Variants in ENG observed in about 807,000 individuals in gnomAD.
The protein encoded by ENG is CD105 antigen.
Under a neutral mutation model 71.0 loss-of-function variants are expected in ENG, and 17 were observed. That is an observed-to-expected ratio of 0.24 (90% CI 0.16 to 0.36). The LOEUF (loss-of-function observed/expected upper bound fraction) is 0.36. Among genes scored for constraint, ENG ranks in the 10% least tolerant of loss-of-function variants. The pLI is 1.00. For synonymous variants in ENG, 360 were observed against 366.9 expected, an observed-to-expected ratio of 0.98 and a Z score of 0.21; for missense variants, 749 against 868.3, an observed-to-expected ratio of 0.86 and a Z score of 1.73.
chr9:127,838,468 G>T lies in ENG; in HGVS notation c.219+4626C>A, dbSNP rs908259661. On this transcript the variant is annotated intron_variant, in intron 2 of 14. Coordinates refer to ENST00000373203, the MANE Select transcript of ENG (RefSeq NM_001114753.3). This position sits in a 1 kb window ranked among gnomAD's most constrained non-coding sequence, Gnocchi z 4.3. ...CCCAGGACAGTCTGGGGGAGCTAAG[G>T]TCCCTCCCGGCTCTCTCTCTCTGCC... Among the ~76,000 whole-genome samples the T allele has an allele frequency of 1.3e-5, 2 of 152,134 alleles. No individual in the cohort carries two copies. Among genetic ancestry groups the T allele is most frequent in the African/African-American group, 2.4e-5 (1 of 41,420 alleles).
At position 127,834,694 on chromosome 9, in the gene ENG, C is replaced by T. The variant is rs375421932; in HGVS notation, c.220-4867G>A. Reference sequence around the variant, plus strand: ...CTGGGATTATAAGCGTGTGCCACCACGCCCAGCCTAATTTTTGTATTTTTA... The same window carrying T: ...CTGGGATTATAAGCGTGTGCCACCATGCCCAGCCTAATTTTTGTATTTTTA... On this transcript the variant is annotated intron_variant, in intron 2 of 14. Coordinates refer to ENST00000373203, the MANE Select transcript of ENG (RefSeq NM_001114753.3). Among the ~76,000 whole-genome samples the T allele has an allele frequency of 1.2e-4, 18 of 151,804 alleles. 1 individual carries two copies. Among genetic ancestry groups the T allele is most frequent in the Middle Eastern group, 3.4e-3 (1 of 294 alleles).
Position 127,815,947 on chromosome 9 carries a change from G to A in ENG, c.1848C>T (p.His616=). The A allele has an allele frequency of 6.3e-7, 1 of 1,597,804 alleles. No individual in the cohort carries two copies. Among genetic ancestry groups the A allele is most frequent in the South Asian group, 1.1e-5 (1 of 88,444 alleles). Residue 616 remains histidine, a synonymous_variant, in exon 14 of 15, where the codon CAC becomes CAT. Transcript: ENST00000373203. ...GTGGGGGCCTGGGGTACTCACGCGT[G>A]TGCGAGTAGATGTACCAGAGTGCAG... ...LTAALWYIYS[H]TRSPSKREPV...
Position 127,819,643 on chromosome 9 carries a change from C to T in ENG, c.1290G>A (p.Leu430=), listed in dbSNP as rs377321205. 1.2e-6 allele frequency: 2 copies of T among 1,612,186 alleles called. No homozygotes were observed. Among genetic ancestry groups the T allele is most frequent in the Non-Finnish European group, 1.7e-6 (2 of 1,179,284 alleles). The change falls in exon 10 of 15, where the codon CTG becomes CTA. Residue 430 remains leucine (L), a synonymous_variant. Coordinates refer to ENST00000373203, the MANE Select transcript of ENG (RefSeq NM_001114753.3). The part of the protein sequence containing the change: ...MISNEAVVNI[L]SSSSPQRKKV... ...TCACCCGCTGTGGTGATGAGCTCGACAGGATATTGACCACCGCCTGCGGGG... is the reference window on the plus strand; with the variant it reads ...TCACCCGCTGTGGTGATGAGCTCGATAGGATATTGACCACCGCCTGCGGGG...
At chr9:127,817,230 T>C in intron 12 of ENG, 27 bp from the exon 13 acceptor site, 2 of 1,613,838 alleles carry the variant, frequency 1.2e-6, no homozygotes, top group Non-Finnish European at 1.7e-6. Context: ...GAGCAGTATG[T>C]GGCACCTTTG....
intron 12 of ENG, chr9:127,817,629 C>T (rs1830359153): frequency 2.8e-6 from 1 of 358,294 alleles, no homozygotes; most frequent in Non-Finnish European, 5.4e-6. Flanking sequence ...TGTGCAAGGG[C>T]CTGGGGGTGA....
At chr9:127,831,426 C>T (rs1184343907) in intron 2 of ENG, among the ~76,000 whole-genome samples, 6 of 145,008 alleles carry the variant, frequency 4.1e-5, no homozygotes, top group Admixed American at 3.5e-4. Context: ...CTCGCTCTGT[C>T]GCCCAAGCTG....
rs189572386 is a variant in ENG at position 127,818,222 on chromosome 9, C to T, written c.1584G>A (p.Pro528=). The T allele has an allele frequency of 2.4e-5, 39 of 1,614,142 alleles. 1 individual carries two copies. The highest frequency in any genetic ancestry group is 1.9e-4 in the South Asian group (17 of 91,086). Residue 528 remains proline, a synonymous_variant, in exon 12 of 15, where the codon CCG becomes CCA. Coordinates refer to ENST00000373203, the MANE Select transcript of ENG (RefSeq NM_001114753.3). The part of the protein sequence containing the change: ...SLLSPSPEGD[P]RFSFLLHFYT... The stretch of plus-strand genomic sequence containing the variant: ...AGAAGTGGAGGAGGAAGCTGAAGCG[C>T]GGGTCACCCTCGGGGCTTGGGGACA...
At chr9:127,816,092 C>G in intron 13 of ENG, 39 bp from the exon 14 acceptor site, 1 of 1,594,516 alleles carries the variant, frequency 6.3e-7, no homozygotes, top group Non-Finnish European at 8.5e-7. Flanking sequence ...CCACTCTGCC[C>G]CTGCCCCATC....
intron 1 of ENG, among the ~76,000 whole-genome samples, chr9:127,851,001 G>A (rs913792706): frequency 1.1e-4 from 16 of 152,024 alleles, no homozygotes; most frequent in Non-Finnish European, 1.5e-5. Context: ...GAAAGAAATA[G>A]ACAAAAGACT....
chr9:127,831,017 G>A (rs1830752449), intron 2 of ENG, among the ~76,000 whole-genome samples: 1 of 152,072 alleles, frequency 6.6e-6, no homozygotes, highest in African/African-American at 2.4e-5. Flanking sequence ...ATTGTTCAAT[G>A]ATGTATACAT....
At chr9:127,820,087 C>T (rs1481292195) in intron 8 of ENG, 50 bp from the exon 9 acceptor site, 5 of 1,597,976 alleles carry the variant, frequency 3.1e-6, no homozygotes, top group Admixed American at 3.4e-5. Flanking sequence ...GTCTCTGTGG[C>T]CTGCCACACC....
At position 127,818,268 on chromosome 9, in the gene ENG, T is replaced by G; in HGVS notation, c.1538A>C (p.Lys513Thr). Residue 513 changes from lysine to threonine, a missense_variant, in exon 12 of 15, where the codon AAG becomes ACG. Transcript: ENST00000373203. ...GGACAGCAGGCTCACACAGTTGCCC[T>G]TGGCCGCCCGGCCCTGGATGAGTTC... is the stretch of plus-strand genomic sequence containing the variant. ...TVELIQGRAA[K>T]GNCVSLLSPS... is the part of the protein sequence containing the mutation. The G allele has an allele frequency of 6.2e-7, 1 of 1,614,152 alleles. No homozygotes were observed. Among genetic ancestry groups the G allele is most frequent in the Non-Finnish European group, 8.5e-7 (1 of 1,180,024 alleles).
rs575767847 is a variant in ENG, at chr9:127,820,948, G to A, written c.1135-911C>T. On this transcript the variant is annotated intron_variant, in intron 8 of 14. Transcript: ENST00000373203. ...CAGTCTCAGGCCTGGCGTGGGCGAA[G>A]TGTTCCTATAAAGAGCCAGATAGTA... 1.7e-3 allele frequency among the ~76,000 whole-genome samples: 263 copies of A among 152,326 alleles called. 1 individual carries two copies. The highest frequency in any genetic ancestry group is 6.0e-3 in the African/African-American group (250 of 41,564).
intron 3 of ENG, 46 bp from the exon 4 acceptor site, chr9:127,826,718 C>CTGAGG: frequency 6.2e-7 from 1 of 1,608,218 alleles, no homozygotes; most frequent in Non-Finnish European, 8.5e-7. Flanking sequence ...TGGCCCTGTG[C>CTGAGG]CCTCTCTATC....
At chr9:127,826,423 G>A in intron 4 of ENG, 87 bp downstream of exon 4, 2 of 1,560,524 alleles carry the variant, frequency 1.3e-6, no homozygotes, top group Non-Finnish European at 1.7e-6. Context: ...TGCACTCTTG[G>A]TGCCCAAGTT....
intron 1 of ENG, 42 bp from the exon 2 acceptor site, chr9:127,843,287 G>T: frequency 1.2e-6 from 2 of 1,613,586 alleles, no homozygotes; most frequent in Non-Finnish European, 1.7e-6. Context: ...TGAGAATAAG[G>T]TGATGACAAT....
Position 127,815,689 on chromosome 9 carries a change from A to G in ENG, c.1970T>C (p.Met657Thr), listed in dbSNP as rs768873662. Residue 657 changes from methionine to threonine, a missense_variant, in exon 15 of 15, where the codon ATG becomes ACG. Met to Thr is a moderately conservative substitution (Grantham distance 81, BLOSUM62 -1). Transcript: ENST00000373203. ...TQSTPCSTSS[M>T]A ...GAGCGCGGGGGGCCGGGGCTATGCC[A>G]TGCTGCTGGTGGAGCAGGGGGTGCT... The G allele has an allele frequency of 2.2e-5, 35 of 1,563,006 alleles. No individual in the cohort carries two copies. Among genetic ancestry groups the G allele is most frequent in the Non-Finnish European group, 2.9e-5 (34 of 1,161,030 alleles).
chr9:127,829,838 CAG>C lies in ENG; in HGVS notation c.220-13_220-12del, dbSNP rs778594969. On this transcript the variant is annotated splice_polypyrimidine_tract_variant and intron_variant, in intron 2 of 14. Transcript: ENST00000373203. ...CAGCTGTGACGGGCCCTGGGGGACA[CAG>C]AGGAGAGACACACACAGTCCAGTCA... 4.6e-5 allele frequency: 75 copies of C among 1,613,654 alleles called. No homozygotes were observed. Among genetic ancestry groups the C allele is most frequent in the Non-Finnish European group, 6.1e-5 (72 of 1,180,012 alleles).
Position 127,846,248 on chromosome 9 carries a change from C to T in ENG, c.68-3003G>A, listed in dbSNP as rs895279472. Among the ~76,000 whole-genome samples, 1 of 152,206 alleles carries T rather than the reference C, an allele frequency of 6.6e-6. No homozygotes were observed. Among genetic ancestry groups the T allele is most frequent in the Non-Finnish European group, 1.5e-5 (1 of 68,040 alleles). ...GCCCCCATGTTCTCCCCACCCTCTCCTTTCCTCATCGGTGAGCGCAGGTTC... is the reference window on the plus strand; with the variant it reads ...GCCCCCATGTTCTCCCCACCCTCTCTTTTCCTCATCGGTGAGCGCAGGTTC... On this transcript the variant is annotated intron_variant, in intron 1 of 14. Coordinates refer to ENST00000373203, the MANE Select transcript of ENG (RefSeq NM_001114753.3). This position sits in a 1 kb window ranked among gnomAD's most constrained non-coding sequence, Gnocchi z 5.5.
Sources: allele counts gnomAD v4.1 joint callset (sites outside exome capture counted in the v4.1 genomes callset), GRCh38; gene constraint gnomAD v4.1.1; non-coding constraint Gnocchi (gnomAD v3.1); transcripts MANE v1.5; gene names NCBI Gene and HGNC (gene_info 2026-07-23, HGNC 2026-07-21).